Variants in CAMK2D observed in about 807,000 individuals in gnomAD.
CAMK2D encodes calcium/calmodulin dependent protein kinase II delta, also known as calcium/calmodulin-dependent protein kinase type II subunit delta.
Under a neutral mutation model 84.0 loss-of-function variants are expected in CAMK2D, and 37 were observed. That is an observed-to-expected ratio of 0.44 (90% CI 0.34 to 0.58). The LOEUF is 0.58. Among genes scored for constraint, CAMK2D ranks in the 20% least tolerant of loss-of-function variants. CAMK2D has a pLI of 0.02. For synonymous variants in CAMK2D, 202 were observed against 212.5 expected, an observed-to-expected ratio of 0.95 and a Z score of 0.43; for missense variants, 448 against 652.5, an observed-to-expected ratio of 0.69 and a Z score of 3.41.
At chr4:113,495,607 G>T (rs892031911) in intron 16 of CAMK2D, among the ~76,000 whole-genome samples, 1 of 152,120 alleles carries the variant, frequency 6.6e-6, no homozygotes, top group African/African-American at 2.4e-5. Context: ...CGATATCCAG[G>T]TCATCAAACA....
intron 4 of CAMK2D, among the ~76,000 whole-genome samples, chr4:113,558,374 A>G (rs913408136): frequency 6.6e-6 from 1 of 152,098 alleles, no homozygotes; most frequent in Non-Finnish European, 1.5e-5. Flanking sequence ...AATAATTTTT[A>G]TTATGGCCTC....
chr4:113,462,336 C>CTATCTATCTATCTATCTATA (rs2154107831), intron 17 of CAMK2D, among the ~76,000 whole-genome samples: 1 of 150,156 alleles, frequency 6.7e-6, no homozygotes, highest in Admixed American at 6.7e-5. Context: ...GTCTGTCTGT[C>CTATCTATCTATCTATCTATA]TGTCTATCTA....
intron 3 of CAMK2D, among the ~76,000 whole-genome samples, chr4:113,660,793 CTT>C (rs551244067): frequency 2.3e-4 from 30 of 129,444 alleles, no homozygotes; most frequent in African/African-American, 3.1e-4. Flanking sequence ...CTGAACAATT[CTT>C]TTTTTTTTTT....
chr4:113,530,837 CA>C (rs1166552176), intron 8 of CAMK2D, among the ~76,000 whole-genome samples: 4 of 152,142 alleles, frequency 2.6e-5, no homozygotes, highest in Non-Finnish European at 2.9e-5. Context: ...GTAATCCCAG[CA>C]CTTTGAGAGG....
intron 4 of CAMK2D, among the ~76,000 whole-genome samples, chr4:113,590,140 A>C (rs2098859483): frequency 6.6e-6 from 1 of 152,224 alleles, no homozygotes; most frequent in South Asian, 2.1e-4. Flanking sequence ...CTGTTGAATG[A>C]ATAAGTGAAT....
At chr4:113,755,222 T>G (rs2099625962) in intron 2 of CAMK2D, 1 of 243,472 alleles carries the variant, frequency 4.1e-6, no homozygotes, top group Admixed American at 6.6e-5. Flanking sequence ...CATTTAGATT[T>G]TATAGATGAG....
intron 16 of CAMK2D, among the ~76,000 whole-genome samples, chr4:113,494,961 C>T (rs950681119): frequency 2.1e-4 from 32 of 152,234 alleles, no homozygotes; most frequent in Non-Finnish European, 3.2e-4. Flanking sequence ...TGACCCCTTG[C>T]GCTTCCCAAG....
chr4:113,681,891 G>C (rs1410000094), intron 2 of CAMK2D, among the ~76,000 whole-genome samples: 1 of 151,298 alleles, frequency 6.6e-6, no homozygotes, highest in African/African-American at 2.4e-5. Flanking sequence ...GCCTTTTCCA[G>C]TTCCATTTTG....
chr4:113,630,137 T>C, intron 3 of CAMK2D, among the ~76,000 whole-genome samples: 1 of 152,212 alleles, frequency 6.6e-6, no homozygotes, highest in Admixed American at 6.5e-5. Context: ...GAATGCGTAG[T>C]TATTTTCAAT....
At chr4:113,739,940 C>G (rs1349780117) in intron 2 of CAMK2D, among the ~76,000 whole-genome samples, 1 of 152,118 alleles carries the variant, frequency 6.6e-6, no homozygotes, top group Non-Finnish European at 1.5e-5. Context: ...TAGCCCTTGA[C>G]CCCTTCCATC....
At chr4:113,605,765 T>C (rs2098974338) in intron 4 of CAMK2D, among the ~76,000 whole-genome samples, 1 of 152,118 alleles carries the variant, frequency 6.6e-6, no homozygotes, top group Non-Finnish European at 1.5e-5. Flanking sequence ...GGCATGTCGG[T>C]GGAGGCTGTG....
chr4:113,514,972 C>CT (rs1590520412), intron 10 of CAMK2D, 97 bp downstream of exon 10: 12 of 1,152,698 alleles, frequency 1.0e-5, no homozygotes, highest in Admixed American at 2.0e-5. Flanking sequence ...TGAGTTTCAT[C>CT]TTTTTTTGCA....
chr4:113,479,963 T>G (rs2097680070), intron 16 of CAMK2D, among the ~76,000 whole-genome samples: 1 of 152,078 alleles, frequency 6.6e-6, no homozygotes, highest in Non-Finnish European at 1.5e-5. Context: ...TGACATATTA[T>G]TATTATTTTT....
At chr4:113,680,059 CATTATT>C (rs1453691705) in intron 2 of CAMK2D, among the ~76,000 whole-genome samples, 2 of 152,070 alleles carry the variant, frequency 1.3e-5, no homozygotes, top group South Asian at 2.1e-4. Flanking sequence ...TCCTTTTTCA[CATTATT>C]ATTATTTTTT....
In CAMK2D at chr4:113,517,592, A is replaced by G; in HGVS notation, c.667T>C (p.Tyr223His). The G allele has an allele frequency of 6.3e-7, 1 of 1,582,296 alleles. No homozygotes were observed. The highest frequency in any genetic ancestry group is 8.7e-7 in the Non-Finnish European group (1 of 1,151,788). ...PFWDEDQHRL[Y>H]QQIKAGAYDF... ...TAAGCTCCAGCCTTGATCTGCTGAT[A>G]GAGTCTGTGTTGGTCTTCATCCCAG... Residue 223 changes from tyrosine to histidine, a missense_variant, in exon 9 of 21, where the codon TAT becomes CAT. By Grantham distance (83) the Tyr-to-His change is moderately conservative (BLOSUM62 2). Transcript: ENST00000511664.
intron 2 of CAMK2D, among the ~76,000 whole-genome samples, chr4:113,714,023 CT>C (rs2099504377): frequency 6.6e-6 from 1 of 151,832 alleles, no homozygotes; most frequent in African/African-American, 2.4e-5. Flanking sequence ...TACAGATACT[CT>C]TCTATAACTT....
intron 4 of CAMK2D, among the ~76,000 whole-genome samples, chr4:113,583,408 A>G (rs992714083): frequency 5.9e-5 from 9 of 152,174 alleles, no homozygotes; most frequent in Non-Finnish European, 8.8e-5. Flanking sequence ...AAAACCAATC[A>G]TTTCCCAGGA....
chr4:113,625,780 G>A (rs1561445640), intron 3 of CAMK2D, among the ~76,000 whole-genome samples: 1 of 152,104 alleles, frequency 6.6e-6, no homozygotes, highest in Non-Finnish European at 1.5e-5. Flanking sequence ...TGAGGAGAGG[G>A]TGATATGCTC....
chr4:113,495,484 G>A (rs2097916011), intron 16 of CAMK2D, among the ~76,000 whole-genome samples: 1 of 152,094 alleles, frequency 6.6e-6, no homozygotes, highest in Admixed American at 6.5e-5. Flanking sequence ...CAGAACTTAA[G>A]AATAGTTGAA....
Sources: allele counts gnomAD v4.1 joint callset (sites outside exome capture counted in the v4.1 genomes callset), GRCh38; gene constraint gnomAD v4.1.1; transcripts MANE v1.5; gene names NCBI Gene and HGNC (gene_info 2026-07-23, HGNC 2026-07-21).